Variants in PTCD2 observed in about 807,000 individuals in gnomAD.
PTCD2 encodes pentatricopeptide repeat-containing protein 2, mitochondrial.
PTCD2 carries 31 observed loss-of-function variants against 42.6 expected under a neutral mutation model. The observed-to-expected ratio is 0.73, with a 90% CI of 0.55 to 0.98. PTCD2 has a LOEUF of 0.98. Ranked by LOEUF, PTCD2 falls within the 50% of genes least tolerant of loss-of-function variation. The probability of loss-of-function intolerance (pLI) is 0.00; values close to 1 mark genes in which losing one functional copy is unlikely to be tolerated. For missense variants in PTCD2, 476 were observed against 454.8 expected (o/e 1.05, Z -0.42); for synonymous variants, 183 against 170.9 (o/e 1.07, Z -0.55).
chr5:72,366,421 A>T lies in PTCD2; in HGVS notation c.*7994A>T, dbSNP rs2112263555. 1 of 152,272 alleles carries T rather than the reference A, an allele frequency of 6.6e-6. No individual in the cohort carries two copies. The highest frequency in any genetic ancestry group is 3.4e-3 in the Middle Eastern group (1 of 294). 9.4% of individuals were successfully genotyped at this position (152,272 alleles called of 1,614,324 possible). On this transcript the variant is annotated 3_prime_UTR_variant, in exon 10 of 10. Transcript: ENST00000380639. ...ACAGTATTTGAACCCAGGAGGTCTG[A>T]TGCTGGAGGTCATGTTTTTAACCTT...
intron 3 of PTCD2, among the ~76,000 whole-genome samples, chr5:72,329,956 G>A (rs1239734540): frequency 6.9e-6 from 1 of 145,260 alleles, no homozygotes; most frequent in African/African-American, 2.6e-5. Flanking sequence ...TTTTTGAGAT[G>A]GAGTCTCGCT....
At chr5:72,338,277 T>C (rs1351213509) in intron 6 of PTCD2, among the ~76,000 whole-genome samples, 2 of 152,250 alleles carry the variant, frequency 1.3e-5, no homozygotes, top group African/African-American at 4.8e-5. Flanking sequence ...AGCTATTTCA[T>C]ATAGTAGCAG....
chr5:72,329,615 T>C (rs1348686484), intron 3 of PTCD2, among the ~76,000 whole-genome samples: 2 of 152,232 alleles, frequency 1.3e-5, no homozygotes, highest in Non-Finnish European at 2.9e-5. Context: ...AATATGTTGA[T>C]TTTTGAAGAT....
rs1341792328 is a variant in PTCD2 at position 72,327,884 on chromosome 5, A to G, written c.350+1143A>G. On this transcript the variant is annotated intron_variant, in intron 3 of 9. Coordinates refer to ENST00000380639, the MANE Select transcript of PTCD2 (RefSeq NM_024754.5). ...AAAGAATACTGGAAGATTCTCTACCAAAAGTTAACTGGTTCTCTAGGAATT... is the reference window on the plus strand; with the variant it reads ...AAAGAATACTGGAAGATTCTCTACCGAAAGTTAACTGGTTCTCTAGGAATT... 2.6e-5 allele frequency among the ~76,000 whole-genome samples: 4 copies of G among 152,254 alleles called. No individual in the cohort carries two copies. In the East Asian group the frequency reaches 7.7e-4, roughly 29 times the overall value.
intron 4 of PTCD2, among the ~76,000 whole-genome samples, chr5:72,334,751 A>T (rs1056585566): frequency 6.6e-6 from 1 of 151,982 alleles, no homozygotes; most frequent in Non-Finnish European, 1.5e-5. Flanking sequence ...GGGTTTCACC[A>T]TGTTGGCCAG....
At position 72,335,043 on chromosome 5, in the gene PTCD2, C is replaced by G; in HGVS notation, c.494C>G (p.Ser165Cys). Reference protein sequence around the residue: ...DQHLRGFFSDSTSFNILMDML... With the variant: ...DQHLRGFFSDCTSFNILMDML... Reference sequence around the variant, plus strand: ...CATTTACGAGGTTTCTTCTCAGACTCCACATCATTCAATATTTTGATGGAT... The same window carrying G: ...CATTTACGAGGTTTCTTCTCAGACTGCACATCATTCAATATTTTGATGGAT... Residue 165 changes from serine to cysteine, a missense_variant, in exon 5 of 10, where the codon TCC becomes TGC. Physicochemically the swap from Ser to Cys is moderately radical, Grantham distance 112. Coordinates refer to ENST00000380639, the MANE Select transcript of PTCD2 (RefSeq NM_024754.5). 6.3e-7 allele frequency: 1 copy of G among 1,595,764 alleles called. No homozygotes were observed. The highest frequency in any genetic ancestry group is 1.1e-5 in the South Asian group (1 of 90,492).
intron 8 of PTCD2, 42 bp downstream of exon 8, chr5:72,343,078 A>G (rs777579962): frequency 1.9e-6 from 2 of 1,048,940 alleles, no homozygotes; most frequent in South Asian, 3.8e-5. Flanking sequence ...CTTGAAATGT[A>G]TTATAATAAA....
At chr5:72,344,309 C>G (rs573921038) in intron 8 of PTCD2, among the ~76,000 whole-genome samples, 2 of 152,046 alleles carry the variant, frequency 1.3e-5, no homozygotes, top group African/African-American at 4.8e-5. Flanking sequence ...GTCAGGAGAT[C>G]GAGATCATCT....
At position 72,361,135 on chromosome 5, in the gene PTCD2, T is replaced by C. The variant is rs894837736; in HGVS notation, c.*2708T>C. ...AGTATGATGAGTTCAGCACAGTTAC[T>C]AGAAGGAGACAAAAAGATATCTTCT... is the stretch of plus-strand genomic sequence containing the variant. On this transcript the variant is annotated 3_prime_UTR_variant, in exon 10 of 10. Coordinates refer to ENST00000380639, the MANE Select transcript of PTCD2 (RefSeq NM_024754.5). The C allele has an allele frequency of 1.3e-5, 2 of 152,188 alleles. No homozygotes were observed. The highest frequency in any genetic ancestry group is 2.4e-5 in the African/African-American group (1 of 41,456). 9.4% of individuals were successfully genotyped at this position (152,188 alleles called of 1,614,324 possible).
chr5:72,323,360 G>T (rs555655964), intron 2 of PTCD2, among the ~76,000 whole-genome samples: 2 of 152,214 alleles, frequency 1.3e-5, no homozygotes, highest in East Asian at 1.9e-4. Context: ...CACCACCCTA[G>T]GTCTTTTTCC....
At chr5:72,320,643 A>G in intron 1 of PTCD2, 134 bp downstream of exon 1, 2 of 1,297,340 alleles carry the variant, frequency 1.5e-6, no homozygotes, top group Non-Finnish European at 2.1e-6. Flanking sequence ...CTCGCCCTCT[A>G]GTTGCACGTG....
chr5:72,355,839 C>T (rs1752851653), intron 9 of PTCD2, among the ~76,000 whole-genome samples: 2 of 152,148 alleles, frequency 1.3e-5, no homozygotes, highest in African/African-American at 4.8e-5. Context: ...CTCTCTTCCT[C>T]CCTCATTTCT....
intron 2 of PTCD2, among the ~76,000 whole-genome samples, chr5:72,325,655 C>G (rs1211072405): frequency 6.6e-6 from 1 of 152,230 alleles, no homozygotes; most frequent in African/African-American, 2.4e-5. Context: ...AAATTGAGAA[C>G]AGTGCCTCTG....
intron 3 of PTCD2, among the ~76,000 whole-genome samples, chr5:72,331,008 AC>A (rs1274659781): frequency 6.6e-6 from 1 of 152,204 alleles, no homozygotes; most frequent in Non-Finnish European, 1.5e-5. Context: ...ATTACAACAT[AC>A]GTTTTTCCTC....
rs970254201 is a variant in PTCD2 at position 72,335,788 on chromosome 5, TG to T, written c.548-4del. The stretch of plus-strand genomic sequence containing the variant: ...AACACTGCGATCCACTCTTCACTTT[TG>T]GCAGGTGCTTTGCAAGTATTGATAG... On this transcript the variant is annotated splice_polypyrimidine_tract_variant and splice_region_variant and intron_variant, in intron 5 of 9. Transcript: ENST00000380639. 3 of 1,605,558 alleles carry T rather than the reference TG, an allele frequency of 1.9e-6. No homozygotes were observed. In the African/African-American group the frequency reaches 4.0e-5, roughly 21 times the overall value.
At chr5:72,352,807 A>G in intron 9 of PTCD2, 53 bp downstream of exon 9, 1 of 908,356 alleles carries the variant, frequency 1.1e-6, no homozygotes, top group Non-Finnish European at 1.7e-6. Flanking sequence ...ACACTCTTAA[A>G]AATGTCCACT....
chr5:72,335,999 C>A, intron 6 of PTCD2, 114 bp downstream of exon 6: 2 of 605,100 alleles, frequency 3.3e-6, no homozygotes, highest in South Asian at 2.3e-5. Context: ...CCATCTGGTG[C>A]AAATGTTTTA....
chr5:72,354,358 T>TG (rs1453492140), intron 9 of PTCD2, among the ~76,000 whole-genome samples: 5 of 112,530 alleles, frequency 4.4e-5, no homozygotes, highest in Non-Finnish European at 8.2e-5. Flanking sequence ...CGCTCCAGCC[T>TG]GGCGACAGAA....
At chr5:72,322,368 A>C in intron 2 of PTCD2, 104 bp downstream of exon 2, 1 of 733,800 alleles carries the variant, frequency 1.4e-6, no homozygotes, top group Non-Finnish European at 2.4e-6. Context: ...TATGCCTTAG[A>C]AAAAGTTGAG....
Sources: gnomAD v4.1 joint callset for allele counts (sites outside exome capture counted in the v4.1 genomes callset) on GRCh38, gnomAD v4.1.1 for gene constraint, MANE v1.5 for transcripts, NCBI Gene and HGNC (gene_info 2026-07-23, HGNC 2026-07-21) for gene names.